Variants in ACSL5 observed in about 807,000 individuals in gnomAD.
ACSL5 encodes the protein acyl-CoA synthetase long chain family member 5.
A neutral mutation model predicts 84.9 loss-of-function variants in ACSL5; 50 were observed. The observed-to-expected ratio is 0.59, with a 90% CI of 0.47 to 0.75. The LOEUF (loss-of-function observed/expected upper bound fraction) is 0.75. ACSL5 is among the 30% of genes least tolerant of loss of function. The pLI is 0.00. For synonymous variants in ACSL5, 280 were observed against 300.7 expected (o/e 0.93, Z 0.71); for missense variants, 775 against 830.4 (o/e 0.93, Z 0.82).
At chr10:112,383,049 G>A (rs7075592) in intron 1 of ACSL5, among the ~76,000 whole-genome samples, 74,011 of 152,048 alleles carry the variant, frequency 0.49, 18,109 homozygotes, top group South Asian at 0.58. Flanking sequence ...CAGGTGGATC[G>A]CTTCAGCCCA....
chr10:112,388,549 G>A (rs1849498219), intron 1 of ACSL5, among the ~76,000 whole-genome samples: 1 of 152,124 alleles, frequency 6.6e-6, no homozygotes, highest in Admixed American at 6.5e-5. Context: ...ATTGTGACCT[G>A]GAAAACTGTT....
intron 9 of ACSL5, among the ~76,000 whole-genome samples, chr10:112,410,935 G>T (rs1459356741): frequency 1.3e-5 from 2 of 152,114 alleles, no homozygotes; most frequent in African/African-American, 4.8e-5. Flanking sequence ...GACACCGCTG[G>T]AATGGTTTCA....
At chr10:112,377,150 A>G (rs1849256745) in intron 1 of ACSL5, among the ~76,000 whole-genome samples, 3 of 152,058 alleles carry the variant, frequency 2.0e-5, no homozygotes, top group Admixed American at 2.0e-4. Context: ...ACCTTCTGAG[A>G]TATCAGCCTT....
chr10:112,405,775 A>G (rs1396134045), intron 5 of ACSL5, among the ~76,000 whole-genome samples: 3 of 152,220 alleles, frequency 2.0e-5, no homozygotes. Context: ...TGATTAACAC[A>G]TATTTTGTAT....
intron 1 of ACSL5, chr10:112,376,236 C>A: frequency 6.4e-7 from 1 of 1,566,446 alleles, no homozygotes; most frequent in Non-Finnish European, 8.7e-7. Context: ...CGTTAGAAAG[C>A]CTGACATGGC....
At chr10:112,401,842 TCC>T (rs879653911) in intron 3 of ACSL5, among the ~76,000 whole-genome samples, 11,692 of 63,460 alleles carry the variant, frequency 0.18, 601 homozygotes, top group East Asian at 0.36. Flanking sequence ...CTTTCTTTCT[TCC>T]TTCCTTCCTT....
At chr10:112,398,689 G>A (rs1589682044) in intron 2 of ACSL5, among the ~76,000 whole-genome samples, 1 of 152,166 alleles carries the variant, frequency 6.6e-6, no homozygotes, top group African/African-American at 2.4e-5. Context: ...ACAGGCGTGA[G>A]CCACCGAGCC....
At position 112,398,054 on chromosome 10, in the gene ACSL5, T is replaced by TACAC. The variant is rs1843787513; in HGVS notation, c.157-847_157-846insACAC. On this transcript the variant is annotated intron_variant, in intron 2 of 20. Transcript: ENST00000354655. ...AGATCCACTTTTCTTTTTTTTTTTT[T>TACAC]TTTTTTTTTTTTTTTTTTTTTTTTT... 4.2e-4 allele frequency among the ~76,000 whole-genome samples: 2 copies of TACAC among 4,706 alleles called. 1 individual carries two copies. Among genetic ancestry groups the TACAC allele is most frequent in the Non-Finnish European group, 7.3e-4 (2 of 2,742 alleles). The allele number at this position is 4,706 out of a possible 152,430, so 3.1% of individuals were successfully genotyped here. A position where few individuals can be genotyped will look rare whatever the true frequency, so the allele number is the denominator to read the frequency against.
In ACSL5 at chr10:112,400,937, G is replaced by C. The variant is rs7068528; in HGVS notation, c.265+1928G>C. Among the ~76,000 whole-genome samples the C allele has an allele frequency of 3.5e-3, 535 of 152,278 alleles. 3 individuals are homozygous for C. The highest frequency in any genetic ancestry group is 0.012 in the African/African-American group (508 of 41,566). ...GACTAAAACAAGCCATTTAGCAAGTGATATGTGGCACATGAGAGATATAAT... is the reference window on the plus strand; with the variant it reads ...GACTAAAACAAGCCATTTAGCAAGTCATATGTGGCACATGAGAGATATAAT... On this transcript the variant is annotated intron_variant, in intron 3 of 20. Transcript: ENST00000354655.
chr10:112,406,922 C>G (rs1428763176), intron 5 of ACSL5, among the ~76,000 whole-genome samples: 1 of 152,246 alleles, frequency 6.6e-6, no homozygotes, highest in South Asian at 2.1e-4. Flanking sequence ...AAAGACATAC[C>G]TAAGACCTGG....
intron 1 of ACSL5, among the ~76,000 whole-genome samples, chr10:112,385,112 T>G (rs1328898284): frequency 6.6e-6 from 1 of 152,236 alleles, no homozygotes; most frequent in East Asian, 1.9e-4. Flanking sequence ...GTGATAAATA[T>G]AATAGTTAAT....
chr10:112,382,537 A>G (rs920657192), intron 1 of ACSL5, among the ~76,000 whole-genome samples: 2 of 152,188 alleles, frequency 1.3e-5, no homozygotes, highest in South Asian at 2.1e-4. Context: ...AGGAAGCCTC[A>G]CTGGGACCCA....
At chr10:112,426,185 T>C in intron 18 of ACSL5, 73 bp from the exon 19 acceptor site, 1 of 1,188,430 alleles carries the variant, frequency 8.4e-7, no homozygotes. Flanking sequence ...ATAATTCTGC[T>C]TTATTTAACT....
chr10:112,397,501 C>T (rs867558199), intron 2 of ACSL5, among the ~76,000 whole-genome samples: 6 of 152,106 alleles, frequency 3.9e-5, no homozygotes, highest in Non-Finnish European at 7.4e-5. Context: ...ATACGCCGTC[C>T]TCTAGCTGCC....
At chr10:112,411,611 GACAC>G (rs931466410) in intron 10 of ACSL5, 82 bp downstream of exon 10, 18 of 1,162,806 alleles carry the variant, frequency 1.5e-5, no homozygotes, top group East Asian at 5.1e-5. Flanking sequence ...AGAGCAGGCA[GACAC>G]ACACACACAC....
chr10:112,424,414 T>C (rs1420084114), intron 17 of ACSL5: 1 of 152,226 alleles, frequency 6.6e-6, no homozygotes, highest in Non-Finnish European at 1.5e-5. Flanking sequence ...AATGTAACTT[T>C]TAAGAACACT....
At chr10:112,408,573 T>G in intron 6 of ACSL5, 52 bp downstream of exon 6, 1 of 1,212,276 alleles carries the variant, frequency 8.2e-7, no homozygotes, top group Non-Finnish European at 1.2e-6. Flanking sequence ...TGCTGAGTAT[T>G]TCTTCAATTT....
intron 14 of ACSL5, among the ~76,000 whole-genome samples, chr10:112,419,102 C>CTTTG (rs149842167): frequency 2.0e-5 from 3 of 146,414 alleles, no homozygotes; most frequent in Non-Finnish European, 4.5e-5. Flanking sequence ...CACAATGTAT[C>CTTTG]TGTGTGTGTG....
chr10:112,413,395 C>T, intron 12 of ACSL5, 88 bp downstream of exon 12: 1 of 1,454,168 alleles, frequency 6.9e-7, no homozygotes, highest in Non-Finnish European at 9.5e-7. Flanking sequence ...CCACCTCTAC[C>T]TCCACCCTCT....
Sources: allele counts gnomAD v4.1 joint callset (sites outside exome capture counted in the v4.1 genomes callset), GRCh38; gene constraint gnomAD v4.1.1; transcripts MANE v1.5; gene names NCBI Gene and HGNC (gene_info 2026-07-23, HGNC 2026-07-21).